Variants in PRSS12 observed in about 807,000 individuals in gnomAD.
The protein encoded by PRSS12 is neurotrypsin.
In PRSS12, 85 loss-of-function variants were observed where a neutral mutation model predicts 104.4. The observed-to-expected ratio is 0.81, with a 90% CI of 0.68 to 0.98. The LOEUF is 0.98. Among genes scored for constraint, PRSS12 ranks in the 50% least tolerant of loss-of-function variants. The pLI, the probability that PRSS12 is intolerant of heterozygous loss-of-function variation, is 0.00. For missense variants in PRSS12, 1,141 were observed against 1,139.2 expected (o/e 1.00, Z -0.02); for synonymous variants, 454 against 425.2 (o/e 1.07, Z -0.83).
Position 118,352,390 on chromosome 4 carries a change from G to A in PRSS12, c.331C>T (p.Arg111Trp). The change falls in exon 1 of 13, where the codon CGG becomes TGG. Residue 111 changes from arginine to tryptophan, a missense_variant. By Grantham distance (101) the Arg-to-Trp change is moderately radical. Transcript: ENST00000296498. ...AGGAAGGGTGGCACCTCCGCCCACC[G>A]CAGACACGGGGCGCCGAAGTCCGTC... ...SVTDFGAPCL[R>W]WAEVPPFLER... The A allele has an allele frequency of 6.5e-7, 1 of 1,545,536 alleles. No homozygotes were observed. Among genetic ancestry groups the A allele is most frequent in the Non-Finnish European group, 8.7e-7 (1 of 1,150,840 alleles).
At chr4:118,346,274 C>T (rs751951571) in intron 1 of PRSS12, among the ~76,000 whole-genome samples, 1 of 152,004 alleles carries the variant, frequency 6.6e-6, no homozygotes, top group Non-Finnish European at 1.5e-5. Context: ...TTATTGTTTC[C>T]GTTTTCTATT....
At chr4:118,315,578 C>G (rs1486082378) in intron 6 of PRSS12, among the ~76,000 whole-genome samples, 3 of 152,100 alleles carry the variant, frequency 2.0e-5, no homozygotes, top group African/African-American at 7.2e-5. Flanking sequence ...ATATTTAACT[C>G]AAAAGCATCA....
intron 1 of PRSS12, among the ~76,000 whole-genome samples, chr4:118,341,955 A>C (rs895461434): frequency 6.6e-6 from 1 of 152,194 alleles, no homozygotes; most frequent in Non-Finnish European, 1.5e-5. Context: ...CTAATCCACC[A>C]AATCTTGTAT....
chr4:118,329,727 C>CT (rs1723869938), intron 4 of PRSS12, among the ~76,000 whole-genome samples: 1 of 152,082 alleles, frequency 6.6e-6, no homozygotes, highest in African/African-American at 2.4e-5. Flanking sequence ...ACTATGTGTG[C>CT]TAACTGCTTG....
At chr4:118,344,440 A>G (rs1377820841) in intron 1 of PRSS12, among the ~76,000 whole-genome samples, 1 of 152,068 alleles carries the variant, frequency 6.6e-6, no homozygotes. Context: ...TACTATTTTC[A>G]TCTATAATTA....
intron 9 of PRSS12, among the ~76,000 whole-genome samples, chr4:118,297,080 TC>T (rs1357375238): frequency 6.6e-6 from 1 of 152,154 alleles, no homozygotes; most frequent in Non-Finnish European, 1.5e-5. Context: ...AAAATGAAGT[TC>T]ATTTATAAAA....
At chr4:118,346,458 T>TTATATA (rs35783323) in intron 1 of PRSS12, among the ~76,000 whole-genome samples, 4 of 147,852 alleles carry the variant, frequency 2.7e-5, no homozygotes, top group African/African-American at 7.4e-5. Context: ...ACTTTCCTAT[T>TTATATA]TATATATATA....
chr4:118,347,161 AG>A (rs1273754478), intron 1 of PRSS12, among the ~76,000 whole-genome samples: 1 of 152,248 alleles, frequency 6.6e-6, no homozygotes, highest in Non-Finnish European at 1.5e-5. Flanking sequence ...TAGTCTGAAA[AG>A]CAGATTGAGC....
chr4:118,313,351 G>T lies in PRSS12; in HGVS notation c.1339C>A (p.Pro447Thr), dbSNP rs1207147416. The T allele has an allele frequency of 6.2e-6, 10 of 1,613,948 alleles. No homozygotes were observed. The highest frequency in any genetic ancestry group is 8.5e-6 in the Non-Finnish European group (10 of 1,180,010). ...CAGCTGACGTCATCCAACCATATGGGCCCTGTGCTTTCTTCAAAATGGTTG... is the reference window on the plus strand; with the variant it reads ...CAGCTGACGTCATCCAACCATATGGTCCCTGTGCTTTCTTCAAAATGGTTG... ...SANHFEESTG[P>T]IWLDDVSCSG... The change falls in exon 7 of 13, where the codon CCC becomes ACC. Residue 447 changes from proline (P) to threonine (T), a missense_variant. Transcript: ENST00000296498.
chr4:118,281,980 C>T lies in PRSS12; in HGVS notation c.2584G>A (p.Val862Ile). 2 of 1,522,912 alleles carry T rather than the reference C, an allele frequency of 1.3e-6. No individual in the cohort carries two copies. Among genetic ancestry groups the T allele is most frequent in the Non-Finnish European group, 1.8e-6 (2 of 1,096,686 alleles). 94.3% of individuals were successfully genotyped at this position (1,522,912 alleles called of 1,614,324 possible). Residue 862 changes from valine (V) to isoleucine (I), a missense_variant, in exon 13 of 13, where the codon GTC becomes ATC. Transcript: ENST00000296498. ...VKDSPGVYTK[V>I]SAFVPWIKSV... ...TTTATCCAAGGTACAAAGGCTGAGA[C>T]TTTGGTATAAACACCAGGAGAATCC...
chr4:118,283,408 A>G (rs1172345147), intron 11 of PRSS12, among the ~76,000 whole-genome samples: 1 of 152,208 alleles, frequency 6.6e-6, no homozygotes, highest in Non-Finnish European at 1.5e-5. Flanking sequence ...AAAGCGATCA[A>G]AACAGGAATA....
chr4:118,290,624 T>C (rs1743105805), intron 11 of PRSS12, among the ~76,000 whole-genome samples: 1 of 152,218 alleles, frequency 6.6e-6, no homozygotes, highest in Non-Finnish European at 1.5e-5. Flanking sequence ...TTGCAGATCA[T>C]TTGTTTCTCA....
intron 8 of PRSS12, among the ~76,000 whole-genome samples, chr4:118,307,551 A>G (rs1348030749): frequency 6.6e-6 from 1 of 152,146 alleles, no homozygotes; most frequent in Admixed American, 6.5e-5. Flanking sequence ...AACATTTTCC[A>G]TATTTTTGTT....
At chr4:118,335,370 A>G (rs1724033556) in intron 3 of PRSS12, 103 bp downstream of exon 3, 11 of 1,331,376 alleles carry the variant, frequency 8.3e-6, no homozygotes, top group Non-Finnish European at 1.0e-5. Context: ...TTCTGTAATT[A>G]AAGTCTTTAA....
intron 5 of PRSS12, among the ~76,000 whole-genome samples, chr4:118,317,582 C>T (rs1723478163): frequency 6.6e-6 from 1 of 152,074 alleles, no homozygotes; most frequent in Non-Finnish European, 1.5e-5. Flanking sequence ...AAATGAAGTG[C>T]TCTGGCTAAA....
intron 4 of PRSS12, 39 bp downstream of exon 4, chr4:118,331,677 T>C: frequency 1.2e-6 from 2 of 1,613,396 alleles, no homozygotes; most frequent in Non-Finnish European, 8.5e-7. Context: ...AATAATAAGA[T>C]TCAAAAGTTT....
intron 4 of PRSS12, among the ~76,000 whole-genome samples, chr4:118,323,303 C>CA (rs905111405): frequency 2.2e-4 from 33 of 151,338 alleles, no homozygotes; most frequent in African/African-American, 7.0e-4. Context: ...TAAATGCCAC[C>CA]AAAAAAAATC....
chr4:118,320,479 C>A (rs1293916747), intron 4 of PRSS12, among the ~76,000 whole-genome samples: 1 of 152,168 alleles, frequency 6.6e-6, no homozygotes, highest in Non-Finnish European at 1.5e-5. Context: ...GGGCCAGACA[C>A]AGTGGCTCAC....
In PRSS12 at chr4:118,335,470, T is replaced by TG; in HGVS notation, c.820+2_820+3insC. 1 of 1,613,880 alleles carries TG rather than the reference T, an allele frequency of 6.2e-7. No individual in the cohort carries two copies. The stretch of plus-strand genomic sequence containing the variant: ...AACAACAGAACTTTTTTCTTTTTTT[T>TG]ACCATGGGAAAAGCTACACGTGACA... On this transcript the variant is annotated splice_region_variant and intron_variant, in intron 3 of 12. Coordinates refer to ENST00000296498, the MANE Select transcript of PRSS12 (RefSeq NM_003619.4).
Sources: gnomAD v4.1 joint callset for allele counts (sites outside exome capture counted in the v4.1 genomes callset) on GRCh38, gnomAD v4.1.1 for gene constraint, MANE v1.5 for transcripts, NCBI Gene and HGNC (gene_info 2026-07-23, HGNC 2026-07-21) for gene names.